CSMD1: variants seen among roughly 807,000 people sequenced by gnomAD.
CSMD1 encodes CUB and Sushi multiple domains 1, also known as CUB and sushi domain-containing protein 1.
Under a neutral mutation model 417.5 loss-of-function variants are expected in CSMD1, and 213 were observed. That is an observed-to-expected ratio of 0.51 (90% CI 0.46 to 0.57). The LOEUF is 0.57. Ranked by LOEUF, CSMD1 falls within the 20% of genes least tolerant of loss-of-function variation. The pLI is 0.00. For missense variants in CSMD1, 6,923 were observed against 4,529.7 expected (o/e 1.53, Z -15.17); for synonymous variants, 2,862 against 1,736.8 (o/e 1.65, Z -16.11).
intron 5 of CSMD1, among the ~76,000 whole-genome samples, chr8:3,956,911 C>T (rs559388060): frequency 7.2e-5 from 11 of 152,148 alleles, no homozygotes; most frequent in Non-Finnish European, 1.5e-4. Context: ...TTGTTGCAAA[C>T]ACTAAAGGCT....
intron 3 of CSMD1, among the ~76,000 whole-genome samples, chr8:4,356,177 C>T (rs1341346229): frequency 1.3e-5 from 2 of 152,190 alleles, no homozygotes; most frequent in Non-Finnish European, 2.9e-5. Context: ...TATAGCTTAA[C>T]TGCCACAAAT....
intron 36 of CSMD1, 126 bp downstream of exon 36, chr8:3,187,743 A>C (rs1390419907): frequency 1.5e-6 from 1 of 675,014 alleles, no homozygotes; most frequent in East Asian, 2.8e-5. Context: ...CACTAGAGCA[A>C]CCATTATGGA....
intron 3 of CSMD1, among the ~76,000 whole-genome samples, chr8:4,318,150 AT>A (rs1201185454): frequency 1.6e-4 from 24 of 152,152 alleles, no homozygotes; most frequent in Admixed American, 5.2e-4. Context: ...TTATGAAATA[AT>A]ATGAACATTC....
At chr8:3,712,349 C>G (rs572668055) in intron 6 of CSMD1, among the ~76,000 whole-genome samples, 1 of 150,992 alleles carries the variant, frequency 6.6e-6, no homozygotes, top group Non-Finnish European at 1.5e-5. Context: ...CAGAGCTGAG[C>G]AGAGATTTTC....
chr8:4,509,520 G>C (rs1055459457), intron 2 of CSMD1, among the ~76,000 whole-genome samples: 1 of 152,168 alleles, frequency 6.6e-6, no homozygotes, highest in East Asian at 1.9e-4. Context: ...GCTACCTCCT[G>C]TAATAGAGAG....
In CSMD1 at chr8:3,195,181, T is replaced by G. The variant is rs542703534; in HGVS notation, c.5194+4533A>C. On this transcript the variant is annotated intron_variant, in intron 33 of 69. Transcript: ENST00000635120. ...TATAAGACAATTGAAAAAAGTAGCATGGATGAGGTACTCTCCAACATGAAG... is the reference window on the plus strand; with the variant it reads ...TATAAGACAATTGAAAAAAGTAGCAGGGATGAGGTACTCTCCAACATGAAG... Among the ~76,000 whole-genome samples the G allele has an allele frequency of 3.3e-5, 5 of 152,194 alleles. No individual in the cohort carries two copies. In the East Asian group the frequency reaches 9.7e-4, roughly 30 times the overall value.
chr8:3,637,395 C>T (rs866123922), intron 7 of CSMD1, among the ~76,000 whole-genome samples: 3 of 152,066 alleles, frequency 2.0e-5, no homozygotes, highest in African/African-American at 7.2e-5. Context: ...TGTCTAACCA[C>T]CTTATTAACT....
intron 5 of CSMD1, among the ~76,000 whole-genome samples, chr8:3,953,067 G>T (rs972435600): frequency 6.6e-6 from 1 of 151,812 alleles, no homozygotes; most frequent in Admixed American, 6.6e-5. Context: ...GAACAGAAAA[G>T]AAACAGTATT....
intron 3 of CSMD1, among the ~76,000 whole-genome samples, chr8:4,070,518 C>A (rs939456062): frequency 2.0e-5 from 3 of 152,000 alleles, no homozygotes; most frequent in Non-Finnish European, 2.9e-5. Flanking sequence ...CCACCACGGC[C>A]GGCTATTTTT....
At chr8:3,973,146 C>T (rs1036553448) in intron 5 of CSMD1, among the ~76,000 whole-genome samples, 9 of 152,172 alleles carry the variant, frequency 5.9e-5, no homozygotes, top group Admixed American at 2.6e-4. Context: ...AAAATTCTAA[C>T]GAATCCATGT....
intron 1 of CSMD1, among the ~76,000 whole-genome samples, chr8:4,936,000 G>A (rs181866779): frequency 9.2e-5 from 14 of 152,246 alleles, no homozygotes; most frequent in Non-Finnish European, 1.8e-4. Flanking sequence ...AAAACAGCCA[G>A]GAATAATAGG....
chr8:3,767,249 T>A (rs954449358), intron 5 of CSMD1, among the ~76,000 whole-genome samples: 1 of 152,228 alleles, frequency 6.6e-6, no homozygotes, highest in Non-Finnish European at 1.5e-5. Context: ...GCTCAGGCTC[T>A]TTTATGAAAA....
At chr8:3,755,637 T>C (rs551398717) in intron 5 of CSMD1, among the ~76,000 whole-genome samples, 1 of 152,278 alleles carries the variant, frequency 6.6e-6, no homozygotes, top group East Asian at 1.9e-4. Context: ...TCCCTACTTA[T>C]TCTATTACCT....
intron 1 of CSMD1, among the ~76,000 whole-genome samples, chr8:4,827,305 G>C (rs1042489280): frequency 5.9e-5 from 9 of 152,102 alleles, no homozygotes; most frequent in Admixed American, 3.3e-4. Flanking sequence ...AGAAAGACCA[G>C]AATGGTTTTC....
intron 3 of CSMD1, among the ~76,000 whole-genome samples, chr8:4,241,753 G>C (rs1470618453): frequency 1.3e-5 from 2 of 150,742 alleles, no homozygotes; most frequent in Non-Finnish European, 1.5e-5. Flanking sequence ...GCCCAGGCTG[G>C]AGTGCAGTGG....
intron 2 of CSMD1, among the ~76,000 whole-genome samples, chr8:4,454,234 C>G (rs565996725): frequency 6.0e-4 from 92 of 152,288 alleles, no homozygotes; most frequent in African/African-American, 2.1e-3. Flanking sequence ...AACACCGCCA[C>G]CCTCCTTACA....
chr8:4,556,144 C>T lies in CSMD1; in HGVS notation c.302+81198G>A, dbSNP rs560718020. 1.5e-4 allele frequency among the ~76,000 whole-genome samples: 23 copies of T among 152,196 alleles called. 1 individual carries two copies. On this transcript the variant is annotated intron_variant, in intron 2 of 69. Transcript: ENST00000635120. ...CAGACATTAAGATTTAATAAGTATGCTATGCATAGATCCAATTTTTGTATT... is the reference window on the plus strand; with the variant it reads ...CAGACATTAAGATTTAATAAGTATGTTATGCATAGATCCAATTTTTGTATT...
At chr8:3,877,792 A>C (rs2129118138) in intron 5 of CSMD1, among the ~76,000 whole-genome samples, 1 of 152,352 alleles carries the variant, frequency 6.6e-6, no homozygotes, top group African/African-American at 2.4e-5. Context: ...ATGTTAAGTT[A>C]AATGGAACAT....
chr8:4,648,125 G>T (rs938232519), intron 1 of CSMD1, among the ~76,000 whole-genome samples: 13 of 152,148 alleles, frequency 8.5e-5, no homozygotes, highest in Admixed American at 8.5e-4. Context: ...GCATGAGATG[G>T]CATCTCACTG....
Sources: allele counts gnomAD v4.1 joint callset (sites outside exome capture counted in the v4.1 genomes callset), GRCh38; gene constraint gnomAD v4.1.1; transcripts MANE v1.5; gene names NCBI Gene and HGNC (gene_info 2026-07-23, HGNC 2026-07-21).